The following ADGRL2 variants were observed in gnomAD, a reference collection of about 807,000 sequenced individuals.
ADGRL2 encodes calcium-independent alpha-latrotoxin receptor 2.
Under a neutral mutation model 157.4 loss-of-function variants are expected in ADGRL2, and 44 were observed. The ratio of observed to expected loss-of-function variants is 0.28; its 90% CI spans 0.22 to 0.36. The LOEUF is 0.36. Ranked by LOEUF, ADGRL2 falls within the 10% of genes least tolerant of loss-of-function variation. The probability of loss-of-function intolerance (pLI) is 1.00; values close to 1 mark genes in which losing one functional copy is unlikely to be tolerated. For synonymous variants in ADGRL2, 585 were observed against 624.7 expected (o/e 0.94, Z 0.95); for missense variants, 1,510 against 1,768.9 (o/e 0.85, Z 2.63).
At chr1:81,774,759 A>G (rs1206100560) in intron 2 of ADGRL2, among the ~76,000 whole-genome samples, 2 of 152,020 alleles carry the variant, frequency 1.3e-5, no homozygotes, top group Admixed American at 1.3e-4. Context: ...ATTCTTTTAC[A>G]TTGATTACAT....
chr1:81,319,180 C>G (rs1324775452), intron 1 of ADGRL2, among the ~76,000 whole-genome samples: 1 of 151,778 alleles, frequency 6.6e-6, no homozygotes, highest in Non-Finnish European at 1.5e-5. Context: ...CTCCCGACCT[C>G]AAGTGATCCA....
At chr1:81,599,608 G>A (rs765882444) in intron 3 of ADGRL2, among the ~76,000 whole-genome samples, 4 of 152,124 alleles carry the variant, frequency 2.6e-5, no homozygotes, top group Non-Finnish European at 4.4e-5. Context: ...ATTTCATTGG[G>A]TTTAATAATT....
chr1:81,910,765 C>G (rs1001960869), intron 3 of ADGRL2, among the ~76,000 whole-genome samples: 1 of 151,340 alleles, frequency 6.6e-6, no homozygotes, highest in Non-Finnish European at 1.5e-5. Context: ...TCCCAAAACC[C>G]TAATAGTTTA....
chr1:81,620,596 T>C (rs965144340), intron 3 of ADGRL2, among the ~76,000 whole-genome samples: 9 of 152,202 alleles, frequency 5.9e-5, no homozygotes, highest in Admixed American at 2.0e-4. Flanking sequence ...ACTCTACCTG[T>C]TCTCTGACTC....
intron 3 of ADGRL2, among the ~76,000 whole-genome samples, chr1:81,658,360 G>GT (rs1411783239): frequency 6.6e-6 from 1 of 152,148 alleles, no homozygotes; most frequent in Non-Finnish European, 1.5e-5. Context: ...CTCCCAAAGT[G>GT]TTGGGATTAC....
At chr1:81,614,772 C>A (rs1414447027) in intron 3 of ADGRL2, among the ~76,000 whole-genome samples, 1 of 151,886 alleles carries the variant, frequency 6.6e-6, no homozygotes, top group East Asian at 1.9e-4. Flanking sequence ...CGCTTGTAAT[C>A]CGAGCACTTT....
At chr1:81,950,627 A>G in intron 7 of ADGRL2, 145 bp downstream of exon 7, 1 of 773,998 alleles carries the variant, frequency 1.3e-6, no homozygotes, top group Non-Finnish European at 2.1e-6. Context: ...TCTATGGACA[A>G]AGTTTTTTAA....
intron 1 of ADGRL2, among the ~76,000 whole-genome samples, chr1:81,339,811 T>C (rs1661937496): frequency 6.6e-6 from 1 of 152,222 alleles, no homozygotes; most frequent in Non-Finnish European, 1.5e-5. Context: ...GGAATGTCTT[T>C]CTTTCCTTTC....
intron 2 of ADGRL2, among the ~76,000 whole-genome samples, chr1:81,554,295 G>A (rs1032384308): frequency 6.6e-6 from 1 of 152,098 alleles, no homozygotes; most frequent in Non-Finnish European, 1.5e-5. Context: ...TTGGCAGAGT[G>A]CCACTTGTGA....
intron 1 of ADGRL2, among the ~76,000 whole-genome samples, chr1:81,425,283 C>T (rs1313424131): frequency 6.6e-6 from 1 of 152,152 alleles, no homozygotes; most frequent in Non-Finnish European, 1.5e-5. Context: ...CACACACAGG[C>T]ACTTATATAC....
intron 2 of ADGRL2, among the ~76,000 whole-genome samples, chr1:81,564,165 G>A (rs1043356236): frequency 6.6e-6 from 1 of 152,194 alleles, no homozygotes; most frequent in African/African-American, 2.4e-5. Context: ...GGTGGGAAGT[G>A]CGTTGTGTAC....
At chr1:81,428,800 G>C (rs61773166) in intron 1 of ADGRL2, among the ~76,000 whole-genome samples, 35,807 of 151,966 alleles carry the variant, frequency 0.24, 5,522 homozygotes, top group Non-Finnish European at 0.34. Context: ...GAGAAACTTC[G>C]CTTGGTCAAA....
In ADGRL2 at chr1:81,336,288, G is replaced by C. The variant is rs188324152; in HGVS notation, c.-302+29779G>C. ...TAAATATACTGATAAAAGTATGAAT[G>C]CGACTGATTGTGATACTAATCAAGG... On this transcript the variant is annotated intron_variant, in intron 1 of 24. Coordinates refer to the ADGRL2 transcript ENST00000370721. Among the ~76,000 whole-genome samples, 4 of 152,312 alleles carry C rather than the reference G, an allele frequency of 2.6e-5. No homozygotes were observed. The East Asian group carries it at 7.7e-4, about 29-fold the overall frequency.
intron 1 of ADGRL2, among the ~76,000 whole-genome samples, chr1:81,817,125 C>CA (rs1036731497): frequency 2.0e-4 from 30 of 152,048 alleles, no homozygotes; most frequent in African/African-American, 7.0e-4. Context: ...TTGTAGTCTC[C>CA]AGTGTCTGTT....
intron 1 of ADGRL2, among the ~76,000 whole-genome samples, chr1:81,368,890 TC>T (rs1319661716): frequency 1.3e-5 from 2 of 152,154 alleles, no homozygotes; most frequent in East Asian, 3.9e-4. Flanking sequence ...TTATTTGTCA[TC>T]CTTTTTTTAC....
At chr1:81,793,747 C>G (rs1462638854) in intron 2 of ADGRL2, among the ~76,000 whole-genome samples, 1 of 152,010 alleles carries the variant, frequency 6.6e-6, no homozygotes. Flanking sequence ...TCTACACCTG[C>G]ATAAAATATT....
intron 3 of ADGRL2, chr1:81,585,877 A>G (rs768388710): frequency 5.9e-5 from 9 of 152,106 alleles, no homozygotes; most frequent in Non-Finnish European, 1.3e-4. Flanking sequence ...ACACACACAC[A>G]CACATTCACA....
At chr1:81,486,770 C>T (rs1038345475) in intron 2 of ADGRL2, among the ~76,000 whole-genome samples, 4 of 152,038 alleles carry the variant, frequency 2.6e-5, no homozygotes, top group African/African-American at 9.7e-5. Context: ...GAAAACCTAC[C>T]TCAAGTTTGA....
intron 2 of ADGRL2, among the ~76,000 whole-genome samples, chr1:81,888,583 C>T (rs1419405595): frequency 1.3e-5 from 2 of 152,060 alleles, no homozygotes; most frequent in Non-Finnish European, 1.5e-5. Flanking sequence ...GGACTACAGG[C>T]GCCCGCCACC....
Sources: gnomAD v4.1 joint callset for allele counts (sites outside exome capture counted in the v4.1 genomes callset) on GRCh38, gnomAD v4.1.1 for gene constraint, MANE v1.5 for transcripts, NCBI Gene and HGNC (gene_info 2026-07-23, HGNC 2026-07-21) for gene names.